The following MYO7B variants were observed in gnomAD, a reference collection of about 807,000 sequenced individuals.
MYO7B encodes myosin VIIB.
MYO7B carries 212 observed loss-of-function variants against 259.7 expected under a neutral mutation model. The observed-to-expected ratio is 0.82, with a 90% CI of 0.73 to 0.91. The LOEUF (loss-of-function observed/expected upper bound fraction) is 0.91, where lower values mean the gene tolerates loss of function less well. Among genes scored for constraint, MYO7B ranks in the 40% least tolerant of loss-of-function variants. The pLI is 0.00. For synonymous variants in MYO7B, 1,197 were observed against 1,166.4 expected (o/e 1.03, Z -0.54); for missense variants, 2,732 against 2,813.5 (o/e 0.97, Z 0.66).
In MYO7B at chr2:127,577,743, G is replaced by A. The variant is rs1445912915; in HGVS notation, c.850-390G>A. Among the ~76,000 whole-genome samples the A allele has an allele frequency of 1.3e-5, 2 of 152,212 alleles. No homozygotes were observed. The highest frequency in any genetic ancestry group is 1.9e-4 in the East Asian group (1 of 5,198). Reference sequence around the variant, plus strand: ...TGTAACAGGCAAATGGCCATGGCACGGTCACTGGCTCCCTGCCTGCCCCCC... The same window carrying A: ...TGTAACAGGCAAATGGCCATGGCACAGTCACTGGCTCCCTGCCTGCCCCCC... On this transcript the variant is annotated intron_variant, in intron 8 of 47. Coordinates refer to ENST00000409816, the MANE Select transcript of MYO7B (RefSeq NM_001393586.1). The surrounding 1 kb of genome is among the most constrained non-coding windows in gnomAD (Gnocchi z 5.2).
In MYO7B at chr2:127,559,804, G is replaced by A. The variant is rs376887824; in HGVS notation, c.18+64G>A. On this transcript the variant is annotated intron_variant, in intron 2 of 47. Coordinates refer to ENST00000409816, the MANE Select transcript of MYO7B (RefSeq NM_001393586.1). The surrounding 1 kb of genome is among the most constrained non-coding windows in gnomAD (Gnocchi z 4.1). ...AAGTTACTCAAGGCCAAGTTGAATC[G>A]CTCCCAAGGAAAGAGAGGAAAGGCA... 7.6e-6 allele frequency: 12 copies of A among 1,575,818 alleles called. No homozygotes were observed. The highest frequency in any genetic ancestry group is 9.6e-6 in the Non-Finnish European group (11 of 1,145,464).
rs375148548 is a variant in MYO7B at position 127,578,156 on chromosome 2, G to A, written c.873G>A (p.Gly291=). 2.5e-6 allele frequency: 4 copies of A among 1,613,698 alleles called. No homozygotes were observed. The highest frequency in any genetic ancestry group is 3.3e-5 in the Admixed American group (2 of 59,994). Residue 291 remains glycine (G), a synonymous_variant, in exon 9 of 48, where the codon GGG becomes GGA. Transcript: ENST00000409816. ...LTMGNCTSCE[G]LNDAKDYAHI... ...AGGGGAACTGCACTTCCTGTGAGGG[G>A]CTCAACGACGCCAAGGACTACGCCC...
In MYO7B at chr2:127,628,563, GTGGGGT is replaced by G; in HGVS notation, c.4624+29_4624+34del. ...GCCAGACTGGGTGGGGTGGGGTGGG[GTGGGGT>G]GGGGTGGGGGAGGGCCGCGCATGGG... On this transcript the variant is annotated intron_variant, in intron 34 of 47. Transcript: ENST00000409816. The surrounding 1 kb of genome is among the most constrained non-coding windows in gnomAD (Gnocchi z 4.8). The G allele has an allele frequency of 8.3e-7, 1 of 1,198,456 alleles. No homozygotes were observed. Among genetic ancestry groups the G allele is most frequent in the African/African-American group, 1.6e-5 (1 of 63,766 alleles). The allele number at this position is 1,198,456 out of a possible 1,614,324, so 74.2% of individuals were successfully genotyped here.
intron 31 of MYO7B, chr2:127,626,102 T>A (rs1273236003): frequency 6.6e-6 from 1 of 151,952 alleles, no homozygotes; most frequent in East Asian, 1.9e-4. Flanking sequence ...GAGAGTTCGG[T>A]TGGATATTAT....
chr2:127,634,477 A>T (rs924629211), intron 41 of MYO7B, 119 bp from the exon 42 acceptor site: 2 of 965,766 alleles, frequency 2.1e-6, no homozygotes, highest in Middle Eastern at 2.1e-4. Context: ...TAGCCCACGC[A>T]CAGCCGACTC....
intron 19 of MYO7B, among the ~76,000 whole-genome samples, chr2:127,598,114 G>T (rs111704947): frequency 3.3e-5 from 5 of 152,064 alleles, no homozygotes; most frequent in Admixed American, 1.3e-4. Context: ...CCGTTTCTCT[G>T]GGTTGTATGC....
At chr2:127,606,289 A>AT (rs1328817947) in intron 20 of MYO7B, among the ~76,000 whole-genome samples, 3 of 152,056 alleles carry the variant, frequency 2.0e-5, no homozygotes, top group African/African-American at 4.8e-5. Flanking sequence ...CCTTTTCCTA[A>AT]TTTTTTCTCT....
At position 127,607,595 on chromosome 2, in the gene MYO7B, A is replaced by G. The variant is rs1048244273; in HGVS notation, c.2643+171A>G. ...AATCTGTTCAATTACTCAAGAGCAC[A>G]GCAAGGATACAGGACACAAGATGCA... On this transcript the variant is annotated intron_variant, in intron 21 of 47. Coordinates refer to ENST00000409816, the MANE Select transcript of MYO7B (RefSeq NM_001393586.1). The surrounding 1 kb of genome is among the most constrained non-coding windows in gnomAD (Gnocchi z 4.4). Among the ~76,000 whole-genome samples the G allele has an allele frequency of 6.6e-6, 1 of 151,994 alleles. No homozygotes were observed. The highest frequency in any genetic ancestry group is 1.5e-5 in the Non-Finnish European group (1 of 68,010).
At chr2:127,622,374 C>T (rs894149631) in intron 28 of MYO7B, among the ~76,000 whole-genome samples, 12 of 152,168 alleles carry the variant, frequency 7.9e-5, no homozygotes, top group African/African-American at 2.4e-4. Flanking sequence ...CATTACAGTG[C>T]GCCAGTTGCT....
At chr2:127,596,656 CCCTCCCTGGGG>C (rs1342014059) in intron 19 of MYO7B, 100 bp downstream of exon 19, 1 of 984,940 alleles carries the variant, frequency 1.0e-6, no homozygotes, top group Non-Finnish European at 1.6e-6. Flanking sequence ...TCCCGCTGGG[CCCTCCCTGGGG>C]TTACTGAGAT....
intron 5 of MYO7B, among the ~76,000 whole-genome samples, chr2:127,567,375 G>A (rs1573630778): frequency 6.6e-6 from 1 of 152,176 alleles, no homozygotes; most frequent in Non-Finnish European, 1.5e-5. Context: ...AGCTCCAGGG[G>A]ACAGCTCTCA....
Position 127,623,829 on chromosome 2 carries a change from G to A in MYO7B, c.3820-264G>A, listed in dbSNP as rs560376030. ...CACACACCAGTCATCCAACCGAGGC[G>A]CCGGATGAGTCACATCGGCCAGACT... On this transcript the variant is annotated intron_variant, in intron 29 of 47. Transcript: ENST00000409816. 3.3e-5 allele frequency among the ~76,000 whole-genome samples: 5 copies of A among 152,296 alleles called. No individual in the cohort carries two copies. In the East Asian group the frequency reaches 5.8e-4, roughly 18 times the overall value.
In MYO7B at chr2:127,593,645, G is replaced by T. The variant is rs1244608086; in HGVS notation, c.2244+1G>T. The T allele has an allele frequency of 5.0e-6, 8 of 1,613,414 alleles. No homozygotes were observed. The highest frequency in any genetic ancestry group is 5.9e-6 in the Non-Finnish European group (7 of 1,179,692). On this transcript the variant is annotated splice_donor_variant, in intron 18 of 47. Transcript: ENST00000409816. LOFTEE classifies it high-confidence loss of function. ...GGGGAAGACAAAAATTTTCCTGAGGGTGAGACCCCGAGGAACCAGCCAGCT... is the reference window on the plus strand; with the variant it reads ...GGGGAAGACAAAAATTTTCCTGAGGTTGAGACCCCGAGGAACCAGCCAGCT...
intron 18 of MYO7B, 21 bp downstream of exon 18, chr2:127,593,665 C>A: frequency 1.2e-6 from 2 of 1,607,470 alleles, no homozygotes; most frequent in Non-Finnish European, 1.7e-6. Context: ...GAGGAACCAG[C>A]CAGCTGTCGG....
At chr2:127,604,303 T>A (rs1680080288) in intron 19 of MYO7B, among the ~76,000 whole-genome samples, 1 of 152,208 alleles carries the variant, frequency 6.6e-6, no homozygotes, top group Non-Finnish European at 1.5e-5. Context: ...CAAACTTTGC[T>A]AGCTTCATAC....
At chr2:127,575,904 A>C (rs776832641) in intron 7 of MYO7B, among the ~76,000 whole-genome samples, 1 of 152,224 alleles carries the variant, frequency 6.6e-6, no homozygotes, top group Non-Finnish European at 1.5e-5. Flanking sequence ...TTACAGCCCA[A>C]CTGAGACTCC....
Position 127,636,180 on chromosome 2 carries a change from A to C in MYO7B, c.6007-28A>C. The C allele has an allele frequency of 6.3e-7, 1 of 1,582,544 alleles. No homozygotes were observed. Among genetic ancestry groups the C allele is most frequent in the African/African-American group, 1.3e-5 (1 of 74,426 alleles). On this transcript the variant is annotated intron_variant, in intron 44 of 47. Transcript: ENST00000409816. The surrounding 1 kb of genome is among the most constrained non-coding windows in gnomAD (Gnocchi z 4.5). ...GCTTTGGAGGGCCTCTGGGCACCCA[A>C]GTCCTTACTGGCCCTCCTGTCCCCC...
At chr2:127,589,204 T>C (rs1441882965) in intron 15 of MYO7B, among the ~76,000 whole-genome samples, 1 of 136,896 alleles carries the variant, frequency 7.3e-6, no homozygotes, top group Non-Finnish European at 1.6e-5. Context: ...AATGGATGGG[T>C]GGATGGGTGA....
Position 127,607,521 on chromosome 2 carries a change from GA to G in MYO7B, c.2643+99del. The G allele has an allele frequency of 1.8e-6, 2 of 1,088,272 alleles. No homozygotes were observed. Among genetic ancestry groups the G allele is most frequent in the Non-Finnish European group, 2.6e-6 (2 of 766,330 alleles). The allele number at this position is 1,088,272 out of a possible 1,614,324, so 67.4% of individuals were successfully genotyped here. Reference sequence around the variant, plus strand: ...GAGCGGCTGTGTAGAGAGCTCACCAGAAGCGCTTTGGAAAATCCCCCCGCCC... The same window carrying G: ...GAGCGGCTGTGTAGAGAGCTCACCAGAGCGCTTTGGAAAATCCCCCCGCCC... On this transcript the variant is annotated intron_variant, in intron 21 of 47. Transcript: ENST00000409816. The surrounding 1 kb of genome is among the most constrained non-coding windows in gnomAD (Gnocchi z 4.4).
Sources: gnomAD v4.1 joint callset for allele counts (sites outside exome capture counted in the v4.1 genomes callset) on GRCh38, gnomAD v4.1.1 for gene constraint, Gnocchi (gnomAD v3.1) non-coding constraint, MANE v1.5 for transcripts, NCBI Gene and HGNC (gene_info 2026-07-23, HGNC 2026-07-21) for gene names.